C12orf42: variants seen among roughly 807,000 people sequenced by gnomAD.
C12orf42 encodes the protein chromosome 12 open reading frame 42.
Under a neutral mutation model 21.6 loss-of-function variants are expected in C12orf42, and 25 were observed. The ratio of observed to expected loss-of-function variants is 1.16; its 90% confidence interval spans 0.84 to 1.62. C12orf42 has a LOEUF of 1.62. C12orf42 is among the 40% of genes most tolerant of loss of function. The probability of loss-of-function intolerance (pLI) is 0.00; values close to 1 mark genes in which losing one functional copy is unlikely to be tolerated. For missense variants in C12orf42, 483 were observed against 459.3 expected (o/e 1.05, Z -0.47); for synonymous variants, 174 against 175.0 (o/e 0.99, Z 0.05).
the C12orf42 span, among the ~76,000 whole-genome samples, chr12:103,086,977 C>T: frequency 6.6e-6 from 1 of 152,044 alleles, no homozygotes; most frequent in Non-Finnish European, 1.5e-5. Context: ...AGTGAAAAAC[C>T]CAAGGGTATT....
At chr12:103,183,642 A>G in the C12orf42 span, among the ~76,000 whole-genome samples, 2 of 151,922 alleles carry the variant, frequency 1.3e-5, no homozygotes, top group Non-Finnish European at 2.9e-5. Context: ...TAGTTTCTTG[A>G]AACAGGAACT....
chr12:103,384,027 G>T (rs934377697), intron 3 of C12orf42, among the ~76,000 whole-genome samples: 1 of 152,154 alleles, frequency 6.6e-6, no homozygotes. Context: ...GGGATGCAGT[G>T]GGTAGATTTT....
At chr12:103,409,771 T>C (rs183037647) in intron 2 of C12orf42, among the ~76,000 whole-genome samples, 1 of 152,338 alleles carries the variant, frequency 6.6e-6, no homozygotes, top group East Asian at 1.9e-4. Context: ...TAGCAGTTCC[T>C]TGACTTTAAA....
At chr12:103,294,428 GAGAAAGAAAGAAAGAA>G (rs58968326) in intron 4 of C12orf42, among the ~76,000 whole-genome samples, 17 of 96,076 alleles carry the variant, frequency 1.8e-4, no homozygotes, top group East Asian at 5.9e-4. Context: ...AAAGGAGAGA[GAGAAAGAAAGAAAGAA>G]AGAAAGAAAG....
chr12:103,096,051 G>C, the C12orf42 span, among the ~76,000 whole-genome samples: 1 of 152,188 alleles, frequency 6.6e-6, no homozygotes, highest in Non-Finnish European at 1.5e-5. Context: ...CTCAACATCT[G>C]TCAGACACCA....
chr12:103,061,437 T>C, the C12orf42 span, among the ~76,000 whole-genome samples: 1 of 152,172 alleles, frequency 6.6e-6, no homozygotes, highest in East Asian at 1.9e-4. Flanking sequence ...TTAAGGACTT[T>C]TTTTTTCTCC....
chr12:103,243,938 A>G (rs889858756), intron 10 of C12orf42, among the ~76,000 whole-genome samples: 3 of 152,138 alleles, frequency 2.0e-5, no homozygotes, highest in African/African-American at 7.2e-5. Context: ...TCTAAATCCC[A>G]TTCTACAGCT....
chr12:103,257,910 T>A (rs894901356), intron 10 of C12orf42, among the ~76,000 whole-genome samples: 22 of 152,002 alleles, frequency 1.4e-4, no homozygotes, highest in Admixed American at 1.2e-3. Flanking sequence ...TCAAAAAAAA[T>A]TCTAATAAAA....
chr12:103,162,374 G>C, the C12orf42 span, among the ~76,000 whole-genome samples: 7 of 152,090 alleles, frequency 4.6e-5, no homozygotes, highest in Non-Finnish European at 1.0e-4. Flanking sequence ...AGAGTGCTCA[G>C]GTCCAAATCC....
intron 3 of C12orf42, among the ~76,000 whole-genome samples, chr12:103,375,367 T>G (rs1020446900): frequency 3.9e-5 from 6 of 152,208 alleles, no homozygotes; most frequent in African/African-American, 1.4e-4. Context: ...TGTATCCCAG[T>G]GTTGTTGGAG....
At chr12:103,195,113 G>T in the C12orf42 span, among the ~76,000 whole-genome samples, 1 of 152,098 alleles carries the variant, frequency 6.6e-6, no homozygotes, top group Admixed American at 6.6e-5. Flanking sequence ...CCATGTTGTT[G>T]CAAAGCACGT....
At chr12:103,273,098 T>C (rs2035563743) in intron 5 of C12orf42, among the ~76,000 whole-genome samples, 2 of 152,186 alleles carry the variant, frequency 1.3e-5, no homozygotes, top group African/African-American at 2.4e-5. Flanking sequence ...CAACACCTGA[T>C]GACATTTAGC....
chr12:103,138,432 T>C, the C12orf42 span, among the ~76,000 whole-genome samples: 2 of 152,224 alleles, frequency 1.3e-5, no homozygotes, highest in Non-Finnish European at 2.9e-5. Context: ...TGCTGCCATG[T>C]GAAGACATGC....
At chr12:103,287,128 T>C (rs139549191) in intron 4 of C12orf42, among the ~76,000 whole-genome samples, 2 of 152,314 alleles carry the variant, frequency 1.3e-5, no homozygotes, top group East Asian at 1.9e-4. Context: ...AGTTCAACCA[T>C]TGTGGAAGTC....
In C12orf42 at chr12:103,351,671, A is replaced by G. The variant is rs554141299; in HGVS notation, c.259+17216T>C. Among the ~76,000 whole-genome samples, 49 of 152,236 alleles carry G rather than the reference A, an allele frequency of 3.2e-4. 3 individuals carry two copies. In the South Asian group the frequency reaches 9.5e-3, roughly 30 times the overall value. ...AGACCAAGAAGAAGTCGGGTAGAAC[A>G]TATGCACACAGCCTGGCGATTTTAA... On this transcript the variant is annotated intron_variant, in intron 4 of 5. Coordinates refer to ENST00000548883, the MANE Select transcript of C12orf42 (RefSeq NM_198521.5).
intron 3 of C12orf42, among the ~76,000 whole-genome samples, chr12:103,391,158 G>GTT (rs34168208): frequency 9.6e-5 from 14 of 145,356 alleles, no homozygotes; most frequent in South Asian, 6.6e-4. Context: ...ATCATATTCG[G>GTT]TTTTATATAT....
intron 2 of C12orf42, among the ~76,000 whole-genome samples, chr12:103,461,735 T>C (rs553992439): frequency 1.5e-4 from 23 of 152,294 alleles, no homozygotes; most frequent in African/African-American, 4.8e-4. Flanking sequence ...GAGATTTGGA[T>C]TAAATGACTT....
chr12:103,128,371 G>A, the C12orf42 span, among the ~76,000 whole-genome samples: 3 of 152,200 alleles, frequency 2.0e-5, no homozygotes, highest in Non-Finnish European at 2.9e-5. Flanking sequence ...CCACAGAACC[G>A]GCACCATTAT....
chr12:103,359,417 A>ATGT (rs2137653178), intron 4 of C12orf42, among the ~76,000 whole-genome samples: 1 of 152,218 alleles, frequency 6.6e-6, no homozygotes, highest in South Asian at 2.1e-4. Context: ...AACAACCCAA[A>ATGT]TGTTCTTCAG....
Sources: gnomAD v4.1 joint callset for allele counts (sites outside exome capture counted in the v4.1 genomes callset) on GRCh38, gnomAD v4.1.1 for gene constraint, MANE v1.5 for transcripts, NCBI Gene and HGNC (gene_info 2026-07-23, HGNC 2026-07-21) for gene names.